The following RBFOX1 variants were observed in gnomAD, a reference collection of about 807,000 sequenced individuals.
The protein encoded by RBFOX1 is RNA binding fox-1 homolog 1.
A neutral mutation model predicts 57.7 loss-of-function variants in RBFOX1; 8 were observed. The ratio of observed to expected loss-of-function variants is 0.14; its 90% CI spans 0.08 to 0.25. The LOEUF (loss-of-function observed/expected upper bound fraction) is 0.25, where lower values mean the gene tolerates loss of function less well. RBFOX1 is among the 10% of genes least tolerant of loss of function. RBFOX1 has a pLI of 1.00. For missense variants in RBFOX1, 611 were observed against 548.5 expected (o/e 1.11, Z -1.14); for synonymous variants, 326 against 222.4 (o/e 1.47, Z -4.15).
At chr16:7,695,728 C>G (rs930575697) in intron 14 of RBFOX1, among the ~76,000 whole-genome samples, 32 of 151,634 alleles carry the variant, frequency 2.1e-4, no homozygotes, top group Admixed American at 3.9e-4. Context: ...GAGCTCTCAC[C>G]TCCTTATAAA....
intron 2 of RBFOX1, among the ~76,000 whole-genome samples, chr16:6,645,839 A>C (rs1157316752): frequency 6.6e-6 from 1 of 152,134 alleles, no homozygotes; most frequent in African/African-American, 2.4e-5. Context: ...ATGATTGTTA[A>C]TATGCTTCTC....
At chr16:6,041,966 A>T (rs2095441013) in intron 1 of RBFOX1, among the ~76,000 whole-genome samples, 1 of 152,132 alleles carries the variant, frequency 6.6e-6, no homozygotes, top group Non-Finnish European at 1.5e-5. Context: ...CCTAGGAAAG[A>T]ATCCCTTTCC....
At chr16:5,972,162 T>C (rs735917) in intron 4 of RBFOX1, among the ~76,000 whole-genome samples, 37,149 of 152,156 alleles carry the variant, frequency 0.24, 4,607 homozygotes, top group South Asian at 0.3. Flanking sequence ...TCCATAATTG[T>C]GTGAGCCAAT....
At chr16:7,584,574 AGCCACCATGCCTG>A (rs1426246481) in intron 6 of RBFOX1, among the ~76,000 whole-genome samples, 2 of 152,196 alleles carry the variant, frequency 1.3e-5, no homozygotes, top group African/African-American at 4.8e-5. Context: ...TACAGGCATG[AGCCACCATGCCTG>A]GCCTGGATCC....
chr16:6,839,199 G>T (rs7498712), intron 3 of RBFOX1, among the ~76,000 whole-genome samples: 34,556 of 150,976 alleles, frequency 0.23, 5,274 homozygotes, highest in East Asian at 0.58. Flanking sequence ...TGGCCAGGCT[G>T]TTCTCGAATT....
intron 3 of RBFOX1, among the ~76,000 whole-genome samples, chr16:6,892,506 C>A (rs1275819251): frequency 6.6e-6 from 1 of 152,012 alleles, no homozygotes; most frequent in African/African-American, 2.4e-5. Flanking sequence ...CCTGATTCTA[C>A]TAAAAATACA....
At chr16:5,515,337 C>T (rs1405616569) in intron 2 of RBFOX1, among the ~76,000 whole-genome samples, 1 of 152,210 alleles carries the variant, frequency 6.6e-6, no homozygotes. Flanking sequence ...TGCTGCAAAG[C>T]CCCCACCTCA....
At chr16:6,319,243 G>A (rs1195174434) in intron 2 of RBFOX1, among the ~76,000 whole-genome samples, 7 of 152,088 alleles carry the variant, frequency 4.6e-5, no homozygotes, top group Admixed American at 1.3e-4. Context: ...TCCAGGTTTT[G>A]ATATGTCCAT....
chr16:7,468,431 G>A (rs945136431), intron 4 of RBFOX1, among the ~76,000 whole-genome samples: 1 of 149,872 alleles, frequency 6.7e-6, no homozygotes, highest in Non-Finnish European at 1.5e-5. Flanking sequence ...TCAACATGCC[G>A]CTTATTTTTG....
At chr16:7,528,138 G>A (rs2079117635) in intron 5 of RBFOX1, among the ~76,000 whole-genome samples, 1 of 152,202 alleles carries the variant, frequency 6.6e-6, no homozygotes, top group African/African-American at 2.4e-5. Context: ...TTTGCTAAAT[G>A]AGGAATGCTC....
chr16:7,307,535 T>G (rs1039184185), intron 4 of RBFOX1, among the ~76,000 whole-genome samples: 1 of 152,252 alleles, frequency 6.6e-6, no homozygotes. Context: ...CTTATTTGTA[T>G]GTCCCAATAA....
At chr16:7,553,632 G>A (rs994345172) in intron 5 of RBFOX1, among the ~76,000 whole-genome samples, 3 of 152,146 alleles carry the variant, frequency 2.0e-5, no homozygotes, top group Non-Finnish European at 4.4e-5. Flanking sequence ...GCACTTGAAA[G>A]GTGCACAACT....
At position 5,946,126 on chromosome 16, in the gene RBFOX1, G is replaced by A. The variant is rs1349217017; in HGVS notation, c.351+78791G>A. On this transcript the variant is annotated intron_variant, in intron 4 of 19. Transcript: ENST00000641259. This position sits in a 1 kb window ranked among gnomAD's most constrained non-coding sequence, Gnocchi z 4.6. ...TTCTTGTCTTTTTAAAAAAGATTTT[G>A]TTAATAGACCACCACTCCTGTCCTA... 2.6e-5 allele frequency among the ~76,000 whole-genome samples: 4 copies of A among 152,180 alleles called. No homozygotes were observed. The highest frequency in any genetic ancestry group is 2.9e-5 in the Non-Finnish European group (2 of 68,022).
At chr16:5,254,615 G>A (rs1278657603) in intron 1 of RBFOX1, among the ~76,000 whole-genome samples, 1 of 151,978 alleles carries the variant, frequency 6.6e-6, no homozygotes, top group African/African-American at 2.4e-5. Flanking sequence ...TTCTCTGTTC[G>A]AGATTGCTTA....
At chr16:7,187,688 CACAAA>C (rs544868842) in intron 4 of RBFOX1, among the ~76,000 whole-genome samples, 120 of 43,184 alleles carry the variant, frequency 2.8e-3, no homozygotes, top group African/African-American at 8.6e-3. Context: ...GACTCTGTCT[CACAAA>C]AAAAAAAAAA....
intron 1 of RBFOX1, among the ~76,000 whole-genome samples, chr16:6,284,846 G>C (rs1291894141): frequency 6.6e-6 from 1 of 152,170 alleles, no homozygotes; most frequent in Admixed American, 6.5e-5. Flanking sequence ...CGAGTGCATG[G>C]AGAACACATT....
chr16:7,542,110 T>C (rs1165331310), intron 5 of RBFOX1, among the ~76,000 whole-genome samples: 1 of 152,148 alleles, frequency 6.6e-6, no homozygotes, highest in African/African-American at 2.4e-5. Flanking sequence ...GAATGGCAGA[T>C]GAGATTGTGA....
intron 3 of RBFOX1, among the ~76,000 whole-genome samples, chr16:6,726,807 T>C (rs2067292971): frequency 1.3e-5 from 2 of 152,188 alleles, no homozygotes; most frequent in South Asian, 2.1e-4. Flanking sequence ...GGGTACCTAA[T>C]ATATCTGGCT....
At chr16:5,991,186 C>T (rs1407160380) in intron 4 of RBFOX1, among the ~76,000 whole-genome samples, 1 of 152,084 alleles carries the variant, frequency 6.6e-6, no homozygotes, top group Non-Finnish European at 1.5e-5. Context: ...ATTCAGTTGA[C>T]CCTCATGGCA....
Sources: allele counts gnomAD v4.1 joint callset (sites outside exome capture counted in the v4.1 genomes callset), GRCh38; gene constraint gnomAD v4.1.1; non-coding constraint Gnocchi (gnomAD v3.1); transcripts MANE v1.5; gene names NCBI Gene and HGNC (gene_info 2026-07-23, HGNC 2026-07-21).